The following TRIM5 variants were observed in gnomAD, a reference collection of about 807,000 sequenced individuals.
TRIM5 encodes the protein tripartite motif-containing protein 5.
Under a neutral mutation model 35.6 loss-of-function variants are expected in TRIM5, and 31 were observed. The ratio of observed to expected loss-of-function variants is 0.87; its 90% confidence interval spans 0.65 to 1.18. The LOEUF (loss-of-function observed/expected upper bound fraction) is 1.18. Ranked by LOEUF, TRIM5 falls within the 50% of genes most tolerant of loss-of-function variation. TRIM5 has a pLI of 0.00. For missense variants in TRIM5, 609 were observed against 591.6 expected (o/e 1.03, Z -0.31); for synonymous variants, 243 against 215.6 (o/e 1.13, Z -1.11).
At chr11:5,632,790 T>TG in the TRIM5 span, 5 of 1,509,464 alleles carry the variant, frequency 3.3e-6, no homozygotes, top group South Asian at 6.7e-5. Flanking sequence ...GGGCAGAAGA[T>TG]GGTAGTTGGT....
At chr11:5,648,323 G>A in the TRIM5 span, among the ~76,000 whole-genome samples, 7 of 151,768 alleles carry the variant, frequency 4.6e-5, no homozygotes, top group Admixed American at 3.9e-4. Flanking sequence ...TGGCTAACAC[G>A]GAGAAACCCC....
the TRIM5 span, chr11:5,655,746 C>G: frequency 1.1e-6 from 1 of 937,532 alleles, no homozygotes; most frequent in Non-Finnish European, 1.3e-6. Context: ...AAAGTATGTG[C>G]AGGACATATA....
At chr11:5,653,896 G>A in the TRIM5 span, among the ~76,000 whole-genome samples, 1 of 151,974 alleles carries the variant, frequency 6.6e-6, no homozygotes, top group Non-Finnish European at 1.5e-5. Context: ...AAAGACCTGT[G>A]TCAATTCAGA....
At chr11:5,603,150 G>T in the TRIM5 span, 2 of 1,515,206 alleles carry the variant, frequency 1.3e-6, no homozygotes, top group South Asian at 1.4e-5. Context: ...GTTACCCCAG[G>T]TGTCTGACCT....
the TRIM5 span, among the ~76,000 whole-genome samples, chr11:5,638,487 G>A: frequency 7.1e-6 from 1 of 140,096 alleles, no homozygotes; most frequent in African/African-American, 2.7e-5. Flanking sequence ...TACACCAGCT[G>A]GTGTCATGAA....
At chr11:5,678,168 T>G in intron 4 of TRIM5, 36 bp downstream of exon 4, 1 of 1,548,940 alleles carries the variant, frequency 6.5e-7, no homozygotes, top group Non-Finnish European at 8.8e-7. Flanking sequence ...TCACTTTTCT[T>G]TAATCTCAGT....
chr11:5,674,079 A>T (rs1289934497), intron 4 of TRIM5, among the ~76,000 whole-genome samples: 4 of 152,172 alleles, frequency 2.6e-5, no homozygotes, highest in African/African-American at 9.6e-5. Context: ...AAATCAATGC[A>T]GCAAAAAGCC....
chr11:5,609,118 C>G, the TRIM5 span, among the ~76,000 whole-genome samples: 1 of 151,920 alleles, frequency 6.6e-6, no homozygotes. Context: ...ATAATTTAGC[C>G]CGGGAATCAA....
At chr11:5,671,921 C>T (rs1247054887) in intron 4 of TRIM5, among the ~76,000 whole-genome samples, 3 of 152,018 alleles carry the variant, frequency 2.0e-5, no homozygotes, top group Non-Finnish European at 4.4e-5. Flanking sequence ...ACCCACATAT[C>T]ATAGAAAAAC....
chr11:5,660,392 C>A (rs1009860227), downstream of TRIM5, among the ~76,000 whole-genome samples: 2 of 152,166 alleles, frequency 1.3e-5, no homozygotes, highest in Admixed American at 1.3e-4. Context: ...GAAACTCCCC[C>A]AATACTGTTG....
At chr11:5,596,133 G>C in the TRIM5 span, 1 of 152,072 alleles carries the variant, frequency 6.6e-6, no homozygotes, top group Non-Finnish European at 1.5e-5. Flanking sequence ...CTGGGTGGAG[G>C]ACGCGGCTGC....
chr11:5,615,048 AATT>A, the TRIM5 span, among the ~76,000 whole-genome samples: 1 of 152,114 alleles, frequency 6.6e-6, no homozygotes, highest in African/African-American at 2.4e-5. Flanking sequence ...AATTATTTAA[AATT>A]ATATTTTTTC....
At chr11:5,618,519 A>G in the TRIM5 span, among the ~76,000 whole-genome samples, 1 of 152,266 alleles carries the variant, frequency 6.6e-6, no homozygotes, top group South Asian at 2.1e-4. Context: ...GACCAAGATA[A>G]TGATGAAAAC....
the TRIM5 span, among the ~76,000 whole-genome samples, chr11:5,604,018 A>C: frequency 6.6e-6 from 1 of 152,066 alleles, no homozygotes; most frequent in Non-Finnish European, 1.5e-5. Context: ...TATTTTGAGA[A>C]GGCGTCTCGC....
chr11:5,671,246 C>A, intron 4 of TRIM5, among the ~76,000 whole-genome samples: 1 of 149,582 alleles, frequency 6.7e-6, no homozygotes, highest in African/African-American at 2.5e-5. Flanking sequence ...ATGTTATTTA[C>A]AAAAGAAATG....
At chr11:5,639,163 T>C in the TRIM5 span, among the ~76,000 whole-genome samples, 1 of 152,152 alleles carries the variant, frequency 6.6e-6, no homozygotes, top group Non-Finnish European at 1.5e-5. Context: ...AGGGTTTGTT[T>C]TCACATTTCA....
At chr11:5,653,639 G>A in the TRIM5 span, among the ~76,000 whole-genome samples, 676 of 151,606 alleles carry the variant, frequency 4.5e-3, 3 homozygotes, top group African/African-American at 0.015. Flanking sequence ...TTAGAAGTGC[G>A]CACCACCATG....
At chr11:5,640,312 C>T in the TRIM5 span, among the ~76,000 whole-genome samples, 18 of 151,596 alleles carry the variant, frequency 1.2e-4, no homozygotes, top group Admixed American at 5.2e-4. Context: ...AGTTTGTTAC[C>T]ATTCCTGTTT....
At chr11:5,616,842 C>T in the TRIM5 span, among the ~76,000 whole-genome samples, 7 of 141,566 alleles carry the variant, frequency 4.9e-5, 1 homozygote, top group Non-Finnish European at 1.1e-4. Flanking sequence ...TGGGTTCAAG[C>T]GATTCTCCTG....
Sources: allele counts gnomAD v4.1 joint callset (sites outside exome capture counted in the v4.1 genomes callset), GRCh38; gene constraint gnomAD v4.1.1; transcripts MANE v1.5; gene names NCBI Gene and HGNC (gene_info 2026-07-23, HGNC 2026-07-21).